The following AK4 variants were observed in gnomAD, a reference collection of about 807,000 sequenced individuals.
AK4 encodes the protein adenylate kinase 4, mitochondrial.
In AK4, 13 loss-of-function variants were observed where a neutral mutation model predicts 24.6. That is an observed-to-expected ratio of 0.53 (90% CI 0.34 to 0.84). The LOEUF is 0.84. AK4 is among the 40% of genes least tolerant of loss of function. The probability of loss-of-function intolerance (pLI) is 0.01; values close to 1 mark genes in which losing one functional copy is unlikely to be tolerated. For missense variants in AK4, 192 were observed against 288.2 expected, an observed-to-expected ratio of 0.67 and a Z score of 2.42; for synonymous variants, 88 against 107.0, an observed-to-expected ratio of 0.82 and a Z score of 1.10.
chr1:65,175,314 G>GT (rs1650675922), intron 1 of AK4, among the ~76,000 whole-genome samples: 1 of 152,166 alleles, frequency 6.6e-6, no homozygotes, highest in East Asian at 1.9e-4. Flanking sequence ...CATTTTTGGA[G>GT]CCCTTGCTGT....
intron 1 of AK4, among the ~76,000 whole-genome samples, chr1:65,179,336 C>A (rs1047535249): frequency 6.6e-6 from 1 of 152,142 alleles, no homozygotes; most frequent in Admixed American, 6.5e-5. Flanking sequence ...TGCTCACAAA[C>A]ATTGAGAGGC....
At chr1:65,157,186 C>T (rs1650012595) in intron 1 of AK4, among the ~76,000 whole-genome samples, 2 of 152,142 alleles carry the variant, frequency 1.3e-5, no homozygotes, top group Non-Finnish European at 2.9e-5. Context: ...GAACATCTGG[C>T]TTTATACACA....
chr1:65,171,911 T>C (rs1325081276), intron 1 of AK4, among the ~76,000 whole-genome samples: 1 of 150,272 alleles, frequency 6.7e-6, no homozygotes, highest in African/African-American at 2.4e-5. Flanking sequence ...CTAGTAAAAA[T>C]AAAAAATTAG....
chr1:65,168,830 G>C (rs899194850), intron 1 of AK4, among the ~76,000 whole-genome samples: 1 of 152,096 alleles, frequency 6.6e-6, no homozygotes, highest in Non-Finnish European at 1.5e-5. Context: ...GAATAAGATG[G>C]CTATCTAAAA....
intron 3 of AK4, 41 bp downstream of exon 3, chr1:65,218,967 A>C (rs1330169505): frequency 1.4e-6 from 2 of 1,460,030 alleles, no homozygotes; most frequent in Admixed American, 4.6e-5. Flanking sequence ...GACAAGAAAA[A>C]GACAAACAAT....
intron 3 of AK4, among the ~76,000 whole-genome samples, chr1:65,221,820 C>T (rs1209108911): frequency 1.3e-5 from 2 of 152,220 alleles, no homozygotes; most frequent in African/African-American, 4.8e-5. Context: ...CTGCAATTAC[C>T]ATGCTGCTTT....
chr1:65,163,158 G>A (rs190816132), intron 1 of AK4, among the ~76,000 whole-genome samples: 33 of 152,268 alleles, frequency 2.2e-4, no homozygotes, highest in Middle Eastern at 6.8e-3. Flanking sequence ...TTGGTAACTC[G>A]ACGTTTAATA....
At chr1:65,183,007 T>G (rs1318961676) in intron 1 of AK4, among the ~76,000 whole-genome samples, 3 of 152,158 alleles carry the variant, frequency 2.0e-5, no homozygotes, top group African/African-American at 7.2e-5. Flanking sequence ...CCAATCCCAG[T>G]GTTTAAGACT....
intron 2 of AK4, among the ~76,000 whole-genome samples, chr1:65,211,456 A>G (rs1651969481): frequency 6.6e-6 from 1 of 152,224 alleles, no homozygotes; most frequent in Non-Finnish European, 1.5e-5. Flanking sequence ...TTTGCTTCTC[A>G]CAGTCTGCAG....
chr1:65,168,860 G>T (rs1327184580), intron 1 of AK4, among the ~76,000 whole-genome samples: 2 of 152,146 alleles, frequency 1.3e-5, no homozygotes, highest in Non-Finnish European at 1.5e-5. Flanking sequence ...GGACAAAAAT[G>T]CTGGTAGCAT....
intron 2 of AK4, among the ~76,000 whole-genome samples, chr1:65,211,155 C>T (rs1165906784): frequency 2.0e-5 from 3 of 152,134 alleles, no homozygotes; most frequent in Non-Finnish European, 2.9e-5. Context: ...GAAGCTGAGG[C>T]AACAGGATTG....
At chr1:65,215,451 C>T (rs564460084) in intron 2 of AK4, among the ~76,000 whole-genome samples, 5 of 152,286 alleles carry the variant, frequency 3.3e-5, no homozygotes, top group South Asian at 2.1e-4. Flanking sequence ...GGATTACAGG[C>T]GTGAGCCACC....
At chr1:65,222,174 C>G (rs1391759973) in intron 3 of AK4, among the ~76,000 whole-genome samples, 1 of 152,158 alleles carries the variant, frequency 6.6e-6, no homozygotes, top group Non-Finnish European at 1.5e-5. Context: ...TGGAGAAAGG[C>G]TGGTGGCCCC....
intron 1 of AK4, among the ~76,000 whole-genome samples, chr1:65,159,814 A>C (rs1317281740): frequency 6.6e-6 from 1 of 152,012 alleles, no homozygotes; most frequent in African/African-American, 2.4e-5. Context: ...CTAAAAATAC[A>C]AAAATTAGCT....
At chr1:65,185,869 C>T (rs1312299682) in intron 1 of AK4, among the ~76,000 whole-genome samples, 1 of 152,088 alleles carries the variant, frequency 6.6e-6, no homozygotes, top group Non-Finnish European at 1.5e-5. Flanking sequence ...CCCACCTTGG[C>T]CTCCCAAAGT....
At chr1:65,190,935 T>C (rs1466620836) in intron 2 of AK4, 106 bp downstream of exon 2, 3 of 1,355,048 alleles carry the variant, frequency 2.2e-6, no homozygotes, top group Non-Finnish European at 2.9e-6. Flanking sequence ...TTTCTAAACT[T>C]TCTGTCATTT....
At chr1:65,150,576 A>G (rs1021527116) in intron 1 of AK4, among the ~76,000 whole-genome samples, 2 of 152,174 alleles carry the variant, frequency 1.3e-5, no homozygotes, top group Non-Finnish European at 2.9e-5. Context: ...TGAGAATCTT[A>G]TAGGCTTACT....
intron 1 of AK4, among the ~76,000 whole-genome samples, chr1:65,163,646 C>T (rs1048430826): frequency 6.6e-6 from 1 of 152,224 alleles, no homozygotes; most frequent in East Asian, 1.9e-4. Context: ...GATGGGCTCA[C>T]CTTGCCTGCT....
chr1:65,167,071 G>T (rs1357753864), intron 1 of AK4, among the ~76,000 whole-genome samples: 1 of 152,218 alleles, frequency 6.6e-6, no homozygotes, highest in Non-Finnish European at 1.5e-5. Flanking sequence ...GGCGGAAGTT[G>T]TAGTGAGCCA....
Sources: gnomAD v4.1 joint callset for allele counts (sites outside exome capture counted in the v4.1 genomes callset) on GRCh38, gnomAD v4.1.1 for gene constraint, MANE v1.5 for transcripts, NCBI Gene and HGNC (gene_info 2026-07-23, HGNC 2026-07-21) for gene names.